Variants in ADGRB3 observed in about 807,000 individuals in gnomAD.
ADGRB3 encodes adhesion G protein-coupled receptor B3, also known as brain-specific angiogenesis inhibitor 3.
In ADGRB3, 37 loss-of-function variants were observed where a neutral mutation model predicts 193.4. The observed-to-expected ratio is 0.19, with a 90% CI of 0.15 to 0.25. ADGRB3 has a LOEUF of 0.25. Ranked by LOEUF, ADGRB3 falls within the 10% of genes least tolerant of loss-of-function variation. The pLI is 1.00. For missense variants in ADGRB3, 1,637 were observed against 1,852.9 expected (o/e 0.88, Z 2.14); for synonymous variants, 690 against 644.2 (o/e 1.07, Z -1.08).
At position 68,820,011 on chromosome 6, in the gene ADGRB3, A is replaced by G. The variant is rs116293757; in HGVS notation, c.758-110548A>G. Among the ~76,000 whole-genome samples, 936 of 152,050 alleles carry G rather than the reference A, an allele frequency of 6.2e-3. 4 individuals are homozygous for G. Among genetic ancestry groups the G allele is most frequent in the African/African-American group, 0.021 (884 of 41,508 alleles). On this transcript the variant is annotated intron_variant, in intron 3 of 31. Coordinates refer to ENST00000370598, the MANE Select transcript of ADGRB3 (RefSeq NM_001704.3). ...CTTGCCTATGTCTCTGCCCAAGTAG[A>G]CTTACTAAATATTCGTACTGATTGT...
At chr6:68,950,695 A>C (rs1354675421) in intron 6 of ADGRB3, among the ~76,000 whole-genome samples, 2 of 152,088 alleles carry the variant, frequency 1.3e-5, no homozygotes, top group Admixed American at 6.6e-5. Flanking sequence ...GCACCCTACC[A>C]CAAACCTGCC....
intron 15 of ADGRB3, among the ~76,000 whole-genome samples, chr6:69,054,244 T>A (rs527345952): frequency 4.6e-5 from 7 of 152,296 alleles, no homozygotes; most frequent in African/African-American, 1.4e-4. Flanking sequence ...TCAAATGAAT[T>A]TCTTGTCAAG....
At chr6:68,844,970 G>A (rs1768244212) in intron 3 of ADGRB3, among the ~76,000 whole-genome samples, 1 of 152,162 alleles carries the variant, frequency 6.6e-6, no homozygotes, top group Non-Finnish European at 1.5e-5. Context: ...CAGAGTCTGG[G>A]AAGGGTAGTG....
chr6:69,237,187 A>G (rs539471591), intron 19 of ADGRB3, among the ~76,000 whole-genome samples: 61 of 152,132 alleles, frequency 4.0e-4, no homozygotes, highest in African/African-American at 1.4e-3. Flanking sequence ...TAGGGTATAT[A>G]TTGTGTACTG....
At chr6:68,839,080 T>TCACACACA (rs10591017) in intron 3 of ADGRB3, among the ~76,000 whole-genome samples, 1 of 138,130 alleles carries the variant, frequency 7.2e-6, no homozygotes, top group African/African-American at 3.0e-5. Flanking sequence ...TGTCTCTCTG[T>TCACACACA]CACACACACA....
chr6:68,837,588 A>T (rs886398284), intron 3 of ADGRB3, among the ~76,000 whole-genome samples: 2 of 152,250 alleles, frequency 1.3e-5, no homozygotes, highest in Admixed American at 6.5e-5. Context: ...CTTTTTAAAG[A>T]CTTGAAATAA....
chr6:69,102,413 C>T (rs1377090651), intron 17 of ADGRB3, among the ~76,000 whole-genome samples: 1 of 152,156 alleles, frequency 6.6e-6, no homozygotes, highest in East Asian at 1.9e-4. Context: ...TATGTTTGTA[C>T]ATTTTAAATG....
chr6:69,218,029 A>C (rs150807315), intron 17 of ADGRB3, among the ~76,000 whole-genome samples: 1 of 150,756 alleles, frequency 6.6e-6, no homozygotes, highest in African/African-American at 2.4e-5. Context: ...TAACATTAAC[A>C]TATTCTGGTG....
At chr6:69,313,532 T>C (rs996938383) in intron 20 of ADGRB3, among the ~76,000 whole-genome samples, 2 of 151,830 alleles carry the variant, frequency 1.3e-5, no homozygotes, top group African/African-American at 4.8e-5. Context: ...AAGATTTTGT[T>C]TGCTTTGCTT....
chr6:69,032,592 T>C (rs1190273398), intron 13 of ADGRB3, among the ~76,000 whole-genome samples: 1 of 152,236 alleles, frequency 6.6e-6, no homozygotes, highest in African/African-American at 2.4e-5. Flanking sequence ...TCTTTTTCTA[T>C]TTCATTTCAC....
At chr6:69,317,541 C>T (rs1297725494) in intron 20 of ADGRB3, among the ~76,000 whole-genome samples, 1 of 151,294 alleles carries the variant, frequency 6.6e-6, no homozygotes, top group African/African-American at 2.4e-5. Context: ...TTTTTCAGCC[C>T]CATATAAAAC....
At chr6:68,979,073 A>T (rs891647232) in intron 10 of ADGRB3, among the ~76,000 whole-genome samples, 2 of 151,408 alleles carry the variant, frequency 1.3e-5, no homozygotes, top group African/African-American at 4.8e-5. Flanking sequence ...TAAGTTTAAG[A>T]TATAAAATCA....
intron 3 of ADGRB3, among the ~76,000 whole-genome samples, chr6:68,796,021 C>A (rs1221798225): frequency 6.6e-6 from 1 of 151,974 alleles, no homozygotes; most frequent in Non-Finnish European, 1.5e-5. Context: ...AATGATAACC[C>A]TGTGCTTAAG....
chr6:68,902,585 A>G (rs1454434782), intron 3 of ADGRB3, among the ~76,000 whole-genome samples: 4 of 152,102 alleles, frequency 2.6e-5, no homozygotes, highest in African/African-American at 7.2e-5. Flanking sequence ...TTTCAACACT[A>G]AAGTTGTGAT....
At chr6:68,994,664 T>A (rs1769334359) in intron 11 of ADGRB3, among the ~76,000 whole-genome samples, 1 of 152,320 alleles carries the variant, frequency 6.6e-6, no homozygotes, top group Admixed American at 6.5e-5. Flanking sequence ...AGATTAACTC[T>A]TTTTATGCTG....
intron 17 of ADGRB3, among the ~76,000 whole-genome samples, chr6:69,141,969 C>T (rs1022559008): frequency 2.6e-5 from 4 of 152,046 alleles, no homozygotes; most frequent in Non-Finnish European, 1.5e-5. Context: ...AGACATGGCT[C>T]AGGATGGATT....
intron 3 of ADGRB3, among the ~76,000 whole-genome samples, chr6:68,847,400 G>T (rs942718222): frequency 6.6e-6 from 1 of 152,128 alleles, no homozygotes; most frequent in African/African-American, 2.4e-5. Context: ...TTGTTTGGCT[G>T]TGTCCACATC....
chr6:69,010,396 A>G (rs563259265), intron 11 of ADGRB3, among the ~76,000 whole-genome samples: 31 of 152,246 alleles, frequency 2.0e-4, no homozygotes, highest in African/African-American at 7.5e-4. Context: ...GAAAGGCTGT[A>G]TCAGAATTAT....
chr6:69,087,054 C>A (rs1271549260), intron 17 of ADGRB3, among the ~76,000 whole-genome samples: 2 of 152,104 alleles, frequency 1.3e-5, no homozygotes, highest in Admixed American at 6.6e-5. Context: ...CTGTCAGCTT[C>A]TTTTCCAGAA....
Sources: gnomAD v4.1 joint callset for allele counts (sites outside exome capture counted in the v4.1 genomes callset) on GRCh38, gnomAD v4.1.1 for gene constraint, MANE v1.5 for transcripts, NCBI Gene and HGNC (gene_info 2026-07-23, HGNC 2026-07-21) for gene names.